The following ARID4A variants were observed in gnomAD, a reference collection of about 807,000 sequenced individuals.
ARID4A encodes AT-rich interactive domain-containing protein 4A.
A neutral mutation model predicts 148.6 loss-of-function variants in ARID4A; 39 were observed. The observed-to-expected ratio is 0.26, with a 90% CI of 0.20 to 0.34. The LOEUF is 0.34. ARID4A is among the 10% of genes least tolerant of loss of function. The pLI is 1.00. For missense variants in ARID4A, 1,265 were observed against 1,449.1 expected (o/e 0.87, Z 2.06); for synonymous variants, 475 against 481.2 (o/e 0.99, Z 0.17).
intron 11 of ARID4A, among the ~76,000 whole-genome samples, chr14:58,338,221 C>T (rs1232590261): frequency 2.0e-5 from 3 of 152,150 alleles, no homozygotes; most frequent in Admixed American, 1.3e-4. Context: ...GAGGGCTCTA[C>T]TTGAATTAAA....
At chr14:58,299,163 C>T (rs2030868532) in intron 1 of ARID4A, among the ~76,000 whole-genome samples, 1 of 152,238 alleles carries the variant, frequency 6.6e-6, no homozygotes, top group African/African-American at 2.4e-5. Context: ...CTCCCACACC[C>T]TGTCCGGGCC....
At chr14:58,367,054 C>T in intron 23 of ARID4A, 25 bp downstream of exon 23, 4 of 1,402,312 alleles carry the variant, frequency 2.9e-6, no homozygotes, top group Non-Finnish European at 3.7e-6. Flanking sequence ...ATTTTTCTCC[C>T]CTTATATTTC....
intron 18 of ARID4A, 111 bp downstream of exon 18, chr14:58,359,327 C>A: frequency 1.9e-6 from 2 of 1,038,128 alleles, no homozygotes; most frequent in Non-Finnish European, 1.4e-6. Context: ...AGATTGAGAG[C>A]AAGGTATATA....
At chr14:58,316,235 G>GA (rs1648447326) in intron 5 of ARID4A, among the ~76,000 whole-genome samples, 1 of 152,098 alleles carries the variant, frequency 6.6e-6, no homozygotes, top group Non-Finnish European at 1.5e-5. Context: ...TGTTAGAATG[G>GA]AAAAAAGTAT....
At chr14:58,310,271 A>G in intron 5 of ARID4A, among the ~76,000 whole-genome samples, 1 of 151,032 alleles carries the variant, frequency 6.6e-6, no homozygotes, top group Non-Finnish European at 1.5e-5. Flanking sequence ...GGACTTCTAT[A>G]GTTATCACAG....
intron 3 of ARID4A, among the ~76,000 whole-genome samples, chr14:58,302,674 G>T (rs1477880782): frequency 6.6e-6 from 1 of 151,902 alleles, no homozygotes; most frequent in African/African-American, 2.4e-5. Flanking sequence ...TATATTTTTG[G>T]CTGTGTGAAG....
intron 23 of ARID4A, among the ~76,000 whole-genome samples, chr14:58,370,784 T>G (rs1477076521): frequency 2.0e-5 from 3 of 150,570 alleles, no homozygotes; most frequent in African/African-American, 7.3e-5. Context: ...AATTTTTTAG[T>G]TTTTTTTGTA....
intron 8 of ARID4A, 61 bp downstream of exon 8, chr14:58,323,678 T>G (rs964989933): frequency 1.5e-4 from 219 of 1,436,508 alleles, no homozygotes; most frequent in Non-Finnish European, 2.0e-4. Flanking sequence ...AAATGGATTT[T>G]TTTAAAAGCA....
At chr14:58,337,138 C>A (rs2033857497) in intron 11 of ARID4A, among the ~76,000 whole-genome samples, 2 of 149,746 alleles carry the variant, frequency 1.3e-5, no homozygotes, top group African/African-American at 4.9e-5. Flanking sequence ...GTGATCTGCC[C>A]ACCTTTGCCT....
Position 58,365,041 on chromosome 14 carries a change from G to A in ARID4A, c.2952G>A (p.Glu984=). Residue 984 remains glutamate (E), a synonymous_variant, in exon 20 of 24, where the codon GAG becomes GAA. Coordinates refer to ENST00000355431, the MANE Select transcript of ARID4A (RefSeq NM_002892.4). ...SIEDVAVESS[E]SNSLVSIPPA... ...AGGATGTAGCAGTTGAAAGCTCTGAGTCTAACTCTCTTGTTTCTATTCCAC... is the reference window on the plus strand; with the variant it reads ...AGGATGTAGCAGTTGAAAGCTCTGAATCTAACTCTCTTGTTTCTATTCCAC... The A allele has an allele frequency of 6.2e-7, 1 of 1,614,126 alleles. No individual in the cohort carries two copies. Among genetic ancestry groups the A allele is most frequent in the South Asian group, 1.1e-5 (1 of 91,082 alleles).
intron 11 of ARID4A, 46 bp downstream of exon 11, chr14:58,330,215 T>C (rs1250887233): frequency 6.3e-7 from 1 of 1,579,122 alleles, no homozygotes; most frequent in African/African-American, 1.4e-5. Context: ...TAATACTCTC[T>C]AGTGAAAATA....
chr14:58,346,975 A>AAAAAAAT, intron 13 of ARID4A, 45 bp from the exon 14 acceptor site: 1 of 296,156 alleles, frequency 3.4e-6, no homozygotes, highest in Non-Finnish European at 6.1e-6. Context: ...AAAAAAAAAG[A>AAAAAAAT]TTAATTCCCT....
intron 19 of ARID4A, among the ~76,000 whole-genome samples, chr14:58,363,840 G>A (rs2035237618): frequency 6.6e-6 from 1 of 152,064 alleles, no homozygotes; most frequent in South Asian, 2.1e-4. Context: ...TTAACTTCAT[G>A]TCTAGGATGT....
intron 6 of ARID4A, 32 bp from the exon 7 acceptor site, chr14:58,318,679 A>C: frequency 6.2e-7 from 1 of 1,613,250 alleles, no homozygotes; most frequent in Non-Finnish European, 8.5e-7. Context: ...CTAGAGGTAA[A>C]ACGTAATTTA....
chr14:58,365,873 GT>G (rs1279134698), intron 21 of ARID4A, 150 bp from the exon 22 acceptor site: 5 of 794,876 alleles, frequency 6.3e-6, no homozygotes, highest in Non-Finnish European at 5.7e-6. Context: ...AGGTTTTTTT[GT>G]TTTTTTGTTG....
intron 17 of ARID4A, among the ~76,000 whole-genome samples, chr14:58,355,227 G>C (rs1457038389): frequency 6.6e-6 from 1 of 152,086 alleles, no homozygotes; most frequent in Admixed American, 6.5e-5. Flanking sequence ...TGTGTGCTCT[G>C]TTATAACTCA....
chr14:58,338,025 G>A (rs1482427354), intron 11 of ARID4A, among the ~76,000 whole-genome samples: 5 of 152,188 alleles, frequency 3.3e-5, no homozygotes, highest in South Asian at 2.1e-4. Flanking sequence ...CTTAGATATT[G>A]TTCAGAAGGT....
intron 3 of ARID4A, chr14:58,303,810 G>A (rs1334628533): frequency 4.9e-6 from 1 of 204,198 alleles, no homozygotes; most frequent in Non-Finnish European, 1.1e-5. Context: ...TATTTCTGAT[G>A]CATGTTAAAA....
chr14:58,323,413 A>T (rs1486099867), intron 7 of ARID4A, 72 bp from the exon 8 acceptor site: 1 of 1,525,934 alleles, frequency 6.6e-7, no homozygotes, highest in Non-Finnish European at 9.0e-7. Context: ...AATTGACTAT[A>T]TTAAATTCAC....
Sources: allele counts gnomAD v4.1 joint callset (sites outside exome capture counted in the v4.1 genomes callset), GRCh38; gene constraint gnomAD v4.1.1; transcripts MANE v1.5; gene names NCBI Gene and HGNC (gene_info 2026-07-23, HGNC 2026-07-21).